Variants in CTBP2 observed in about 807,000 individuals in gnomAD.
CTBP2 encodes the protein C-terminal-binding protein 2.
CTBP2 carries 30 observed loss-of-function variants against 80.3 expected under a neutral mutation model. That is an observed-to-expected ratio of 0.37 (90% confidence interval 0.28 to 0.51). CTBP2 has a LOEUF of 0.51. Ranked by LOEUF, CTBP2 falls within the 20% of genes least tolerant of loss-of-function variation. CTBP2 has a pLI of 0.93. For missense variants in CTBP2, 1,212 were observed against 1,375.3 expected (o/e 0.88, Z 1.88); for synonymous variants, 594 against 587.4 (o/e 1.01, Z -0.16).
At chr10:125,039,387 G>A (rs1346196935) in intron 2 of CTBP2, among the ~76,000 whole-genome samples, 9 of 152,266 alleles carry the variant, frequency 5.9e-5, no homozygotes. Flanking sequence ...ACAATCGTCA[G>A]TTATTTCTGG....
intron 2 of CTBP2, among the ~76,000 whole-genome samples, chr10:125,081,529 T>C (rs1265217554): frequency 1.3e-5 from 2 of 152,228 alleles, no homozygotes; most frequent in Non-Finnish European, 2.9e-5. Context: ...TCTGTGCGTG[T>C]GTTTCTGTAT....
chr10:125,020,184 C>G (rs529325108), intron 1 of CTBP2, among the ~76,000 whole-genome samples: 3 of 152,302 alleles, frequency 2.0e-5, no homozygotes, highest in Non-Finnish European at 4.4e-5. Context: ...CCAAGATCAA[C>G]AGCTTTTAAA....
intron 2 of CTBP2, among the ~76,000 whole-genome samples, chr10:125,041,239 C>G (rs1299221788): frequency 1.3e-5 from 2 of 152,148 alleles, no homozygotes; most frequent in African/African-American, 4.8e-5. Context: ...TGCCAACATG[C>G]CTGGCTAATT....
chr10:125,053,737 G>T (rs1336282536), intron 2 of CTBP2, among the ~76,000 whole-genome samples: 1 of 152,186 alleles, frequency 6.6e-6, no homozygotes, highest in African/African-American at 2.4e-5. Flanking sequence ...CAGAGCCGAA[G>T]GTGTAGACGG....
intron 2 of CTBP2, among the ~76,000 whole-genome samples, chr10:125,072,265 C>T (rs1036084253): frequency 2.0e-4 from 30 of 150,940 alleles, no homozygotes; most frequent in African/African-American, 6.8e-4. Context: ...GGAGAGACTC[C>T]GTCTCAAAAA....
intron 4 of CTBP2, 68 bp from the exon 7 acceptor site, chr10:124,994,751 G>A (rs1194300641): frequency 1.3e-6 from 2 of 1,495,484 alleles, no homozygotes; most frequent in Admixed American, 3.5e-5. Context: ...CACCTCCATT[G>A]CTTCTGAGCT....
Position 125,060,410 on chromosome 10 carries a change from A to C in CTBP2, c.-101-21255T>G, listed in dbSNP as rs181458320. The stretch of plus-strand genomic sequence containing the variant: ...TACTTTTTCTTAAAACATGGCTTTT[A>C]AACAGAAATGCATTTTTCCTTAACT... On this transcript the variant is annotated intron_variant, in intron 2 of 10. Transcript: ENST00000337195. 1.6e-3 allele frequency among the ~76,000 whole-genome samples: 250 copies of C among 152,232 alleles called. 2 individuals carry two copies. In the South Asian group the frequency reaches 0.017, roughly 10 times the overall value.
upstream of CTBP2, among the ~76,000 whole-genome samples, chr10:125,029,612 T>C (rs1266587207): frequency 6.6e-6 from 1 of 152,178 alleles, no homozygotes; most frequent in Non-Finnish European, 1.5e-5. Context: ...CTTGTTGTAA[T>C]GAACAACATG....
chr10:125,126,205 G>A (rs572935755), intron 1 of CTBP2, among the ~76,000 whole-genome samples: 38 of 152,290 alleles, frequency 2.5e-4, no homozygotes, highest in African/African-American at 8.7e-4. Flanking sequence ...GTGACCTCAG[G>A]CAAGTCACTT....
Position 125,026,358 on chromosome 10 carries a change from G to T in CTBP2, c.1402C>A (p.Pro468Thr). ...GGGCCTGGGTGAAGGGGGTTTGAGGGGCCCGGGTTAGTCAAGGCCACCCCT... is the reference window on the plus strand; with the variant it reads ...GGGCCTGGGTGAAGGGGGTTTGAGGTGCCCGGGTTAGTCAAGGCCACCCCT... The change falls in exon 1 of 9, where the codon CCC becomes ACC. Residue 468 changes from proline to threonine, a missense_variant. By Grantham distance (38) the Pro-to-Thr change is conservative. Around this residue, in one of 3 missense-constraint regions of CTBP2, gnomAD observed 848 missense variants for 782.3 expected, o/e 1.08. Transcript: ENST00000309035. The T allele has an allele frequency of 6.2e-7, 1 of 1,613,658 alleles. No homozygotes were observed. Among genetic ancestry groups the T allele is most frequent in the Non-Finnish European group, 8.5e-7 (1 of 1,179,778 alleles).
At chr10:125,017,688 G>T (rs1411384014) in intron 1 of CTBP2, among the ~76,000 whole-genome samples, 4 of 152,192 alleles carry the variant, frequency 2.6e-5, no homozygotes, top group Non-Finnish European at 5.9e-5. Flanking sequence ...ACTCTCCCAG[G>T]CAGCAGCATG....
intron 1 of CTBP2, among the ~76,000 whole-genome samples, chr10:125,158,131 A>T (rs561383616): frequency 6.6e-6 from 1 of 152,216 alleles, no homozygotes; most frequent in East Asian, 1.9e-4. Context: ...TTAAAGTCTC[A>T]TTACTTCAAA....
intron 8 of CTBP2, among the ~76,000 whole-genome samples, chr10:124,990,345 G>A (rs1294476833): frequency 1.3e-5 from 2 of 152,088 alleles, no homozygotes; most frequent in African/African-American, 4.8e-5. Flanking sequence ...GCCCGGCCCT[G>A]GCTAACGATT....
intron 1 of CTBP2, among the ~76,000 whole-genome samples, chr10:125,142,182 C>A (rs943664697): frequency 6.6e-6 from 1 of 152,148 alleles, no homozygotes; most frequent in African/African-American, 2.4e-5. Flanking sequence ...GTTTCAGACA[C>A]GACTCAAGAC....
intron 3 of CTBP2, among the ~76,000 whole-genome samples, chr10:125,033,578 C>G (rs541231839): frequency 6.6e-6 from 1 of 152,150 alleles, no homozygotes. Flanking sequence ...CTGTGTGAAG[C>G]GCGCAGAAGG....
At chr10:125,004,317 C>A (rs989598676) in intron 1 of CTBP2, among the ~76,000 whole-genome samples, 5 of 152,236 alleles carry the variant, frequency 3.3e-5, no homozygotes, top group Non-Finnish European at 7.3e-5. Flanking sequence ...GCCCCGTGCA[C>A]ATACAGGGCA....
At chr10:125,089,640 G>C (rs1005846998) in intron 2 of CTBP2, among the ~76,000 whole-genome samples, 5 of 152,220 alleles carry the variant, frequency 3.3e-5, no homozygotes, top group African/African-American at 1.2e-4. Context: ...AAGATGTGCA[G>C]GCGAGAGCAG....
At chr10:125,151,675 C>T (rs934910297) in intron 1 of CTBP2, among the ~76,000 whole-genome samples, 3 of 152,336 alleles carry the variant, frequency 2.0e-5, no homozygotes, top group East Asian at 1.9e-4. Flanking sequence ...GGGGTGGAGG[C>T]GGCTCTGGCC....
chr10:125,056,167 AAAT>A (rs1159700637), intron 2 of CTBP2, among the ~76,000 whole-genome samples: 1 of 139,014 alleles, frequency 7.2e-6, no homozygotes, highest in African/African-American at 3.0e-5. Flanking sequence ...TGTGTCTCAA[AAAT>A]AAAAATAATA....
Sources: allele counts gnomAD v4.1 joint callset (sites outside exome capture counted in the v4.1 genomes callset), GRCh38; gene constraint gnomAD v4.1.1; regional missense constraint gnomAD v4.1.1; transcripts MANE v1.5; gene names NCBI Gene and HGNC (gene_info 2026-07-23, HGNC 2026-07-21).